ACTN4: variants seen among roughly 807,000 people sequenced by gnomAD.
ACTN4 encodes alpha-actinin-4.
In ACTN4, 18 loss-of-function variants were observed where a neutral mutation model predicts 114.2. The ratio of observed to expected loss-of-function variants is 0.16; its 90% confidence interval spans 0.11 to 0.23. The LOEUF (loss-of-function observed/expected upper bound fraction) is 0.23. Among genes scored for constraint, ACTN4 ranks in the 10% least tolerant of loss-of-function variants. The probability of loss-of-function intolerance (pLI) is 1.00; values close to 1 mark genes in which losing one functional copy is unlikely to be tolerated. For missense variants in ACTN4, 722 were observed against 1,262.9 expected, an observed-to-expected ratio of 0.57 and a Z score of 6.49; for synonymous variants, 515 against 506.3, an observed-to-expected ratio of 1.02 and a Z score of -0.23.
intron 8 of ACTN4, among the ~76,000 whole-genome samples, chr19:38,711,710 A>G (rs183970348): frequency 2.6e-5 from 4 of 152,328 alleles, no homozygotes; most frequent in Admixed American, 6.5e-5. Context: ...CGCCCTGTCC[A>G]TCATCTGCAC....
chr19:38,652,581 G>A (rs1203747559), intron 1 of ACTN4, among the ~76,000 whole-genome samples: 1 of 152,152 alleles, frequency 6.6e-6, no homozygotes, highest in Non-Finnish European at 1.5e-5. Flanking sequence ...CAACAGGGAG[G>A]CTACTTTGGT....
At chr19:38,680,852 G>A (rs1487510901) in intron 1 of ACTN4, among the ~76,000 whole-genome samples, 1 of 152,100 alleles carries the variant, frequency 6.6e-6, no homozygotes, top group African/African-American at 2.4e-5. Context: ...TTGGCCGGGT[G>A]CGGTGGCTCA....
chr19:38,664,179 G>A (rs553291235), intron 1 of ACTN4, among the ~76,000 whole-genome samples: 1 of 152,290 alleles, frequency 6.6e-6, no homozygotes, highest in South Asian at 2.1e-4. Flanking sequence ...GTTTATTCCT[G>A]CCTGCCAAGC....
chr19:38,685,646 G>A (rs996785264), intron 1 of ACTN4, among the ~76,000 whole-genome samples: 1 of 152,130 alleles, frequency 6.6e-6, no homozygotes, highest in Non-Finnish European at 1.5e-5. Context: ...TAGGAAGCCC[G>A]CAGGGACCGA....
At chr19:38,670,204 T>TG (rs1403092954) in intron 1 of ACTN4, among the ~76,000 whole-genome samples, 1 of 152,110 alleles carries the variant, frequency 6.6e-6, no homozygotes, top group Non-Finnish European at 1.5e-5. Context: ...TCAAGGGAGT[T>TG]GGGGATCACG....
intron 3 of ACTN4, 31 bp downstream of exon 3, chr19:38,701,152 G>T: frequency 6.2e-7 from 1 of 1,613,188 alleles, no homozygotes. Context: ...CGAGGGTCCT[G>T]CTCGGTTTCT....
Position 38,695,709 on chromosome 19 carries a change from A to G in ACTN4, c.163-4891A>G, listed in dbSNP as rs114291145. ...CCCTTCTGCAGGAGGGCTTTGGCAC[A>G]TGCTCTTCCCAGTATCTGGAAGGTC... On this transcript the variant is annotated intron_variant, in intron 1 of 20. Transcript: ENST00000252699. Among the ~76,000 whole-genome samples, 593 of 152,044 alleles carry G rather than the reference A, an allele frequency of 3.9e-3. 9 individuals carry two copies. Among genetic ancestry groups the G allele is most frequent in the African/African-American group, 0.014 (573 of 41,444 alleles).
chr19:38,726,861 CA>C (rs1969249066), intron 17 of ACTN4, 95 bp from the exon 18 acceptor site: 1 of 1,556,096 alleles, frequency 6.4e-7, no homozygotes, highest in Non-Finnish European at 8.7e-7. Flanking sequence ...GGGCTTTCCC[CA>C]GGGCGGGAGG....
rs771557357 is a variant in ACTN4, at chr19:38,721,515, A to C, written c.1292-23A>C. ...CCCCACAGCTGCCGTGCTGTGGTCT[A>C]AGCGTCTCTCTGCTCCTACCAGGGA... On this transcript the variant is annotated intron_variant, in intron 11 of 20. Transcript: ENST00000252699. The C allele has an allele frequency of 3.7e-6, 6 of 1,613,224 alleles. No homozygotes were observed. The African/African-American group carries it at 8.0e-5, about 22-fold the overall frequency.
rs149210264 is a variant in ACTN4 at position 38,727,154 on chromosome 19, C to T, written c.2337+51C>T. On this transcript the variant is annotated intron_variant, in intron 18 of 20. Transcript: ENST00000252699. This position sits in a 1 kb window ranked among gnomAD's most constrained non-coding sequence, Gnocchi z 5.4. ...CTCTCCCCTCCCGCCGTTGCCGTAC[C>T]AGCCCACACCTTCGTCTCTGCATCT... 6.2e-7 allele frequency: 1 copy of T among 1,612,870 alleles called. No individual in the cohort carries two copies. The highest frequency in any genetic ancestry group is 2.2e-5 in the East Asian group (1 of 44,876).
intron 19 of ACTN4, 123 bp from the exon 20 acceptor site, chr19:38,728,873 G>C: frequency 8.1e-7 from 1 of 1,231,780 alleles, no homozygotes; most frequent in South Asian, 1.2e-5. Flanking sequence ...GGAACAGGGC[G>C]CACGCACACG....
intron 1 of ACTN4, among the ~76,000 whole-genome samples, chr19:38,680,818 G>A (rs1322233115): frequency 6.6e-6 from 1 of 152,024 alleles, no homozygotes; most frequent in Admixed American, 6.6e-5. Flanking sequence ...GGACCATATA[G>A]TGAGGGTTTA....
At chr19:38,679,136 G>C (rs1341509949) in intron 1 of ACTN4, among the ~76,000 whole-genome samples, 1 of 152,200 alleles carries the variant, frequency 6.6e-6, no homozygotes, top group Non-Finnish European at 1.5e-5. Context: ...CTGGGAAAAA[G>C]ACACGTGCTT....
intron 1 of ACTN4, among the ~76,000 whole-genome samples, chr19:38,700,118 G>A (rs915344392): frequency 6.6e-6 from 1 of 152,152 alleles, no homozygotes; most frequent in Non-Finnish European, 1.5e-5. Flanking sequence ...GCTGGCAGAT[G>A]AAGGGCTGGC....
intron 1 of ACTN4, among the ~76,000 whole-genome samples, chr19:38,682,499 A>G (rs1967608760): frequency 6.6e-6 from 1 of 152,154 alleles, no homozygotes; most frequent in African/African-American, 2.4e-5. Flanking sequence ...GAGGGGAGGC[A>G]TTGATGAAGG....
At chr19:38,698,198 TC>T (rs1335728607) in intron 1 of ACTN4, among the ~76,000 whole-genome samples, 1 of 151,974 alleles carries the variant, frequency 6.6e-6, no homozygotes, top group Non-Finnish European at 1.5e-5. Flanking sequence ...AGCTGCCACT[TC>T]CTGAGCATTG....
intron 12 of ACTN4, among the ~76,000 whole-genome samples, chr19:38,722,196 CA>C (rs1445812167): frequency 5.3e-5 from 8 of 152,268 alleles, no homozygotes; most frequent in African/African-American, 1.9e-4. Flanking sequence ...AACTTGTGTA[CA>C]CAATTAGTAC....
intron 16 of ACTN4, among the ~76,000 whole-genome samples, chr19:38,725,076 G>T (rs1969186195): frequency 6.6e-6 from 1 of 151,364 alleles, no homozygotes; most frequent in South Asian, 2.1e-4. Flanking sequence ...GATGAAAACA[G>T]TTACCTTATT....
Position 38,717,351 on chromosome 19 carries a change from G to A in ACTN4, c.1143+35G>A. On this transcript the variant is annotated intron_variant, in intron 10 of 20. Coordinates refer to ENST00000252699, the MANE Select transcript of ACTN4 (RefSeq NM_004924.6). The surrounding 1 kb of genome is among the most constrained non-coding windows in gnomAD (Gnocchi z 4.0). The stretch of plus-strand genomic sequence containing the variant: ...AGGATTCACATGGGAGCAGCTGTGA[G>A]GGGCAGAGGCAGCCCTAGAACTGCC... 2 of 1,605,692 alleles carry A rather than the reference G, an allele frequency of 1.2e-6. No homozygotes were observed. Among genetic ancestry groups the A allele is most frequent in the East Asian group, 2.2e-5 (1 of 44,508 alleles).
Sources: gnomAD v4.1 joint callset for allele counts (sites outside exome capture counted in the v4.1 genomes callset) on GRCh38, gnomAD v4.1.1 for gene constraint, Gnocchi (gnomAD v3.1) non-coding constraint, MANE v1.5 for transcripts, NCBI Gene and HGNC (gene_info 2026-07-23, HGNC 2026-07-21) for gene names.